The following B9D1 variants were observed in gnomAD, a reference collection of about 807,000 sequenced individuals.
B9D1 encodes the protein B9 domain containing 1, also known as B9 domain-containing protein 1.
B9D1 carries 20 observed loss-of-function variants against 26.1 expected under a neutral mutation model. The observed-to-expected ratio is 0.77, with a 90% CI of 0.54 to 1.12. B9D1 has a LOEUF of 1.12. Among genes scored for constraint, B9D1 ranks in the 50% most tolerant of loss-of-function variants. The pLI is 0.00. For missense variants in B9D1, 260 were observed against 273.7 expected, an observed-to-expected ratio of 0.95 and a Z score of 0.35; for synonymous variants, 105 against 103.1, an observed-to-expected ratio of 1.02 and a Z score of -0.11.
At chr17:19,337,741 G>C (rs1369256965), downstream of B9D1, 14 of 1,535,192 alleles carry the variant, frequency 9.1e-6, no homozygotes, top group Non-Finnish European at 1.2e-5. Flanking sequence ...AGACAGCCCT[G>C]AAGGTGGCTA....
chr17:19,344,522 C>A (rs1308794474), intron 5 of B9D1: 1 of 273,200 alleles, frequency 3.7e-6, no homozygotes, highest in South Asian at 2.8e-5. Context: ...GACACACCCA[C>A]GCGAGCCGGA....
upstream of B9D1, chr17:19,362,855 G>A (rs1288214036): frequency 4.2e-6 from 3 of 709,798 alleles, no homozygotes; most frequent in African/African-American, 5.3e-5. Context: ...GTCGGGTAAA[G>A]CCAGCCCTAC....
chr17:19,362,371 T>A, intron 1 of B9D1, 136 bp downstream of exon 1: 1 of 646,470 alleles, frequency 1.5e-6, no homozygotes, highest in Non-Finnish European at 2.6e-6. Flanking sequence ...CAATGCTGGC[T>A]CCCCTCCCCC....
chr17:19,358,004 C>A, intron 2 of B9D1, 53 bp from the exon 3 acceptor site: 2 of 1,394,422 alleles, frequency 1.4e-6, no homozygotes, highest in Non-Finnish European at 2.0e-6. Context: ...CAAGCTGCTG[C>A]GGCTCCTCCC....
chr17:19,358,733 C>T (rs1910671081), intron 2 of B9D1, among the ~76,000 whole-genome samples: 1 of 152,212 alleles, frequency 6.6e-6, no homozygotes, highest in African/African-American at 2.4e-5. Flanking sequence ...GCCAGCTCCT[C>T]TACCTGTACT....
chr17:19,358,173 C>T (rs993481849), intron 2 of B9D1, among the ~76,000 whole-genome samples: 10 of 152,128 alleles, frequency 6.6e-5, no homozygotes, highest in Admixed American at 2.0e-4. Context: ...GCCACTCTCC[C>T]GGGCACAAGG....
downstream of B9D1, chr17:19,342,987 A>C (rs1264360056): frequency 4.6e-6 from 4 of 866,664 alleles, no homozygotes; most frequent in Non-Finnish European, 6.2e-6. Flanking sequence ...TGAGTGGCAG[A>C]ACCTGGTTAT....
chr17:19,365,774 T>A (rs868340445), upstream of B9D1, among the ~76,000 whole-genome samples: 68 of 152,190 alleles, frequency 4.5e-4, no homozygotes, highest in African/African-American at 1.5e-3. This position sits in a 1 kb window ranked among gnomAD's most constrained non-coding sequence, Gnocchi z 5.0. Flanking sequence ...GGTTTCCTCA[T>A]CACACCCAGG....
chr17:19,341,105 A>G, downstream of B9D1: 2 of 1,225,094 alleles, frequency 1.6e-6, no homozygotes, highest in Non-Finnish European at 2.0e-6. Context: ...CATTTCAGTA[A>G]TGTTGAGAAA....
At chr17:19,361,640 G>GAGT (rs1911089192) in intron 1 of B9D1, among the ~76,000 whole-genome samples, 3 of 152,116 alleles carry the variant, frequency 2.0e-5, no homozygotes, top group Non-Finnish European at 4.4e-5. Context: ...TGGGAGCATG[G>GAGT]AGTAGTATCC....
At position 19,347,261 on chromosome 17, in the gene B9D1, A is replaced by G; in HGVS notation, c.404+8T>C. 6.2e-7 allele frequency: 1 copy of G among 1,614,222 alleles called. No homozygotes were observed. Among genetic ancestry groups the G allele is most frequent in the Non-Finnish European group, 8.5e-7 (1 of 1,180,046 alleles). ...AGGAGGGGCTGGGGTTATGGGTACAAAACTCACCTTGTAAACTTCTGCAGT... is the reference window on the plus strand; with the variant it reads ...AGGAGGGGCTGGGGTTATGGGTACAGAACTCACCTTGTAAACTTCTGCAGT... On this transcript the variant is annotated splice_region_variant and intron_variant, in intron 5 of 6. Transcript: ENST00000261499. This position sits in a 1 kb window ranked among gnomAD's most constrained non-coding sequence, Gnocchi z 4.3.
downstream of B9D1, chr17:19,341,311 C>T (rs527634260): frequency 8.7e-4 from 1,075 of 1,231,974 alleles, no homozygotes; most frequent in Non-Finnish European, 9.8e-4. Flanking sequence ...GACAGCTTTC[C>T]GGGGAGCTGT....
At chr17:19,341,823 A>G (rs1908000062), downstream of B9D1, among the ~76,000 whole-genome samples, 1 of 152,202 alleles carries the variant, frequency 6.6e-6, no homozygotes, top group Admixed American at 6.5e-5. Context: ...TGGGAAGTGC[A>G]TGCAGATGAC....
chr17:19,344,697 G>A lies in B9D1; in HGVS notation c.405-840C>T, dbSNP rs541441485. The A allele has an allele frequency of 1.4e-3, 232 of 164,728 alleles. 2 individuals are homozygous for A. The highest frequency in any genetic ancestry group is 4.8e-3 in the Admixed American group (73 of 15,338). 10.2% of individuals were successfully genotyped at this position (164,728 alleles called of 1,614,324 possible). A position where few individuals can be genotyped will look rare whatever the true frequency, so the allele number is the denominator to read the frequency against. On this transcript the variant is annotated intron_variant, in intron 5 of 6. Coordinates refer to ENST00000261499, the MANE Select transcript of B9D1 (RefSeq NM_015681.6). ...CAACCATGCCGACCCAAAAGCCCAC[G>A]CACCGCCCTCCCCGCGGCCTCTCCG... is the stretch of plus-strand genomic sequence containing the variant.
At chr17:19,345,140 G>A (rs1050615854) in intron 5 of B9D1, among the ~76,000 whole-genome samples, 3 of 152,194 alleles carry the variant, frequency 2.0e-5, no homozygotes, top group Non-Finnish European at 4.4e-5. Flanking sequence ...AAGACAGGCT[G>A]TTCTGGGAGA....
At chr17:19,340,079 T>C (rs1907795331), downstream of B9D1, among the ~76,000 whole-genome samples, 2 of 136,120 alleles carry the variant, frequency 1.5e-5, no homozygotes, top group Admixed American at 1.6e-4. Flanking sequence ...CTTCAGCCTC[T>C]TAAATCTCAC....
chr17:19,369,378 C>T (rs960464794), intron 1 of B9D1, among the ~76,000 whole-genome samples: 6 of 152,150 alleles, frequency 3.9e-5, no homozygotes, highest in Non-Finnish European at 8.8e-5. Flanking sequence ...TGGTAGCTTG[C>T]GATCAGCCAC....
intron 3 of B9D1, among the ~76,000 whole-genome samples, chr17:19,357,278 A>C (rs932849025): frequency 6.6e-6 from 1 of 152,248 alleles, no homozygotes; most frequent in Non-Finnish European, 1.5e-5. Flanking sequence ...GTAGGCACTT[A>C]TGAAGTGCAA....
At chr17:19,341,078 A>G (rs1200575362), downstream of B9D1, 3 of 1,209,546 alleles carry the variant, frequency 2.5e-6, no homozygotes, top group Admixed American at 4.3e-5. Flanking sequence ...AATGATGTCA[A>G]CTTTTCCACA....
Sources: allele counts gnomAD v4.1 joint callset (sites outside exome capture counted in the v4.1 genomes callset), GRCh38; gene constraint gnomAD v4.1.1; non-coding constraint Gnocchi (gnomAD v3.1); transcripts MANE v1.5; gene names NCBI Gene and HGNC (gene_info 2026-07-23, HGNC 2026-07-21).